Variants in TBC1D9 observed in about 807,000 individuals in gnomAD.
TBC1D9 encodes the protein TBC1 domain family member 9A.
A neutral mutation model predicts 132.0 loss-of-function variants in TBC1D9; 63 were observed. That is an observed-to-expected ratio of 0.48 (90% CI 0.39 to 0.59). TBC1D9 has a LOEUF of 0.59. TBC1D9 is among the 20% of genes least tolerant of loss of function. The pLI is 0.00. For missense variants in TBC1D9, 1,261 were observed against 1,592.7 expected, an observed-to-expected ratio of 0.79 and a Z score of 3.54; for synonymous variants, 610 against 609.9, an observed-to-expected ratio of 1.00 and a Z score of 0.00.
At chr4:140,752,335 C>T (rs1442914811) in intron 1 of TBC1D9, among the ~76,000 whole-genome samples, 8 of 150,802 alleles carry the variant, frequency 5.3e-5, no homozygotes, top group South Asian at 2.1e-4. Context: ...AATATATACT[C>T]TATAATTCCA....
In TBC1D9 at chr4:140,633,115, C is replaced by T. The variant is rs183143770; in HGVS notation, c.2746+833G>A. Among the ~76,000 whole-genome samples, 212 of 152,294 alleles carry T rather than the reference C, an allele frequency of 1.4e-3. 3 individuals carry two copies. The highest frequency in any genetic ancestry group is 4.2e-3 in the African/African-American group (173 of 41,554). On this transcript the variant is annotated intron_variant, in intron 16 of 20. Transcript: ENST00000442267. ...AGATATAACTCTCACAGATTAAAGA[C>T]GTTCTTTAGAAATGCTGGCTCTATG...
rs59110264 is a variant in TBC1D9 at position 140,685,149 on chromosome 4, A to G, written c.360+1195T>C. Among the ~76,000 whole-genome samples the G allele has an allele frequency of 1.3e-3, 205 of 152,354 alleles. 1 individual carries two copies. Among genetic ancestry groups the G allele is most frequent in the African/African-American group, 4.4e-3 (185 of 41,584 alleles). On this transcript the variant is annotated intron_variant, in intron 3 of 20. Transcript: ENST00000442267. ...TAAAGACTGGTTCAGATGAAAAATCATCAATGGATCAATCCTAAATCAAGA... is the reference window on the plus strand; with the variant it reads ...TAAAGACTGGTTCAGATGAAAAATCGTCAATGGATCAATCCTAAATCAAGA...
chr4:140,745,230 C>T (rs925771585), intron 1 of TBC1D9, among the ~76,000 whole-genome samples: 6 of 152,194 alleles, frequency 3.9e-5, no homozygotes, highest in Non-Finnish European at 8.8e-5. Context: ...GAGAATGTGC[C>T]TTGGACCACA....
chr4:140,733,671 G>T (rs1738631918), intron 1 of TBC1D9, among the ~76,000 whole-genome samples: 1 of 152,084 alleles, frequency 6.6e-6, no homozygotes, highest in Admixed American at 6.6e-5. Context: ...GAGTGTCCTT[G>T]AATGAAGTCT....
chr4:140,742,597 CAAGAA>C (rs1460768586), intron 1 of TBC1D9, among the ~76,000 whole-genome samples: 1 of 144,656 alleles, frequency 6.9e-6, no homozygotes, highest in African/African-American at 2.6e-5. Context: ...GCACATCTGA[CAAGAA>C]AAGAAAACAA....
At chr4:140,645,403 C>T in intron 13 of TBC1D9, 1 of 457,642 alleles carries the variant, frequency 2.2e-6, no homozygotes, top group South Asian at 1.5e-5. Context: ...ACACCAGAGC[C>T]CGCGCATCCA....
chr4:140,636,754 T>TAATAAATGTTTGAGAAGATG (rs1736887874), intron 15 of TBC1D9, among the ~76,000 whole-genome samples: 1 of 152,134 alleles, frequency 6.6e-6, no homozygotes, highest in Admixed American at 6.5e-5. Context: ...AGTGATGACT[T>TAATAAATGTTTGAGAAGATG]AATAAATGTT....
intron 2 of TBC1D9, among the ~76,000 whole-genome samples, chr4:140,696,455 C>CAAAAAAAA (rs35713619): frequency 6.5e-5 from 4 of 61,592 alleles, no homozygotes; most frequent in African/African-American, 6.6e-5. Context: ...GAGTCCGTCT[C>CAAAAAAAA]AAAAAAAAAA....
At chr4:140,631,823 C>T (rs6839163) in intron 16 of TBC1D9, among the ~76,000 whole-genome samples, 28,676 of 151,996 alleles carry the variant, frequency 0.19, 3,227 homozygotes, top group African/African-American at 0.32. Flanking sequence ...TCTTGAACTC[C>T]CGACCTCAAG....
chr4:140,696,293 C>T (rs1737956878), intron 2 of TBC1D9, among the ~76,000 whole-genome samples: 2 of 151,532 alleles, frequency 1.3e-5, no homozygotes, highest in South Asian at 2.1e-4. Flanking sequence ...CCCGTCTCTA[C>T]TAAAAAAACA....
intron 1 of TBC1D9, 42 bp downstream of exon 1, chr4:140,755,874 G>C (rs946407083): frequency 6.7e-7 from 1 of 1,496,732 alleles, no homozygotes; most frequent in Non-Finnish European, 8.9e-7. Context: ...GCGCCGCAGC[G>C]CTCCCGGCTC....
chr4:140,693,787 GT>G (rs985112660), intron 2 of TBC1D9, among the ~76,000 whole-genome samples: 7 of 152,178 alleles, frequency 4.6e-5, no homozygotes, highest in African/African-American at 1.7e-4. Context: ...ATTGCAAAGG[GT>G]GCATATTATA....
At chr4:140,723,136 T>C (rs983474438) in intron 1 of TBC1D9, among the ~76,000 whole-genome samples, 1 of 152,186 alleles carries the variant, frequency 6.6e-6, no homozygotes, top group African/African-American at 2.4e-5. Flanking sequence ...CTAATAATGC[T>C]TAGTAATTAC....
chr4:140,737,386 A>G (rs1578862448), intron 1 of TBC1D9, among the ~76,000 whole-genome samples: 1 of 148,304 alleles, frequency 6.7e-6, no homozygotes. Flanking sequence ...TCCATTCTCT[A>G]TCTCTCTGTC....
Position 140,669,658 on chromosome 4 carries a change from A to C in TBC1D9, c.1413T>G (p.Ser471=). The change falls in exon 8 of 21, where the codon TCT becomes TCG. Residue 471 remains serine, a synonymous_variant. Transcript: ENST00000442267. Reference sequence around the variant, plus strand: ...CCAATTTCGGGTTGAACTCCTCGGGAGACCGCCGCCGATACATGGTCATCA... The same window carrying C: ...CCAATTTCGGGTTGAACTCCTCGGGCGACCGCCGCCGATACATGGTCATCA... The part of the protein sequence containing the change: ...QTLMTMYRRR[S]PEEFNPKLAK... 1 of 1,612,614 alleles carries C rather than the reference A, an allele frequency of 6.2e-7. No homozygotes were observed. The highest frequency in any genetic ancestry group is 8.5e-7 in the Non-Finnish European group (1 of 1,178,808).
At chr4:140,734,432 A>T (rs1410440840) in intron 1 of TBC1D9, among the ~76,000 whole-genome samples, 1 of 152,146 alleles carries the variant, frequency 6.6e-6, no homozygotes, top group East Asian at 1.9e-4. Context: ...ACCCAGCCAG[A>T]TGGTGGATAC....
rs184080569 is a variant in TBC1D9 at position 140,666,141 on chromosome 4, T to C, written c.1588+2776A>G. On this transcript the variant is annotated intron_variant, in intron 9 of 20. Coordinates refer to ENST00000442267, the MANE Select transcript of TBC1D9 (RefSeq NM_015130.3). The stretch of plus-strand genomic sequence containing the variant: ...TTGGCCATAAAAAGGAATGAAATGC[T>C]GATACATGCTATGATATGGTGGAAC... Among the ~76,000 whole-genome samples the C allele has an allele frequency of 7.2e-5, 11 of 152,336 alleles. No individual in the cohort carries two copies. In the East Asian group the frequency reaches 1.7e-3, roughly 24 times the overall value.
intron 10 of TBC1D9, among the ~76,000 whole-genome samples, chr4:140,660,578 T>C (rs1737340823): frequency 6.6e-6 from 1 of 152,234 alleles, no homozygotes; most frequent in African/African-American, 2.4e-5. Flanking sequence ...TACATGATGA[T>C]GGTCCCTGCC....
chr4:140,644,976 G>A, intron 13 of TBC1D9: 2 of 458,870 alleles, frequency 4.4e-6, no homozygotes, highest in Admixed American at 2.8e-5. Flanking sequence ...GGGGTGTCCG[G>A]CAAGCCACAT....
Sources: allele counts gnomAD v4.1 joint callset (sites outside exome capture counted in the v4.1 genomes callset), GRCh38; gene constraint gnomAD v4.1.1; transcripts MANE v1.5; gene names NCBI Gene and HGNC (gene_info 2026-07-23, HGNC 2026-07-21).